The following CLASP1 variants were observed in gnomAD, a reference collection of about 807,000 sequenced individuals.
The protein encoded by CLASP1 is cytoplasmic linker associated protein 1.
A neutral mutation model predicts 192.3 loss-of-function variants in CLASP1; 38 were observed. That is an observed-to-expected ratio of 0.20 (90% CI 0.15 to 0.26). The LOEUF (loss-of-function observed/expected upper bound fraction) is 0.26. Among genes scored for constraint, CLASP1 ranks in the 10% least tolerant of loss-of-function variants. CLASP1 has a pLI of 1.00. For missense variants in CLASP1, 1,433 were observed against 1,932.5 expected, an observed-to-expected ratio of 0.74 and a Z score of 4.85; for synonymous variants, 691 against 712.8, an observed-to-expected ratio of 0.97 and a Z score of 0.49.
chr2:121,545,165 C>T (rs1264140756), intron 2 of CLASP1, among the ~76,000 whole-genome samples: 5 of 152,096 alleles, frequency 3.3e-5, no homozygotes, highest in Admixed American at 6.6e-5. Flanking sequence ...CCACCTGCCT[C>T]GGCCTCCCAA....
chr2:121,356,512 G>A (rs1445222936), intron 37 of CLASP1, among the ~76,000 whole-genome samples: 1 of 152,192 alleles, frequency 6.6e-6, no homozygotes, highest in Non-Finnish European at 1.5e-5. Context: ...TCTGGTTCTG[G>A]CATCAACTAG....
intron 12 of CLASP1, 66 bp from the exon 13 acceptor site, chr2:121,459,041 C>T: frequency 8.2e-7 from 1 of 1,222,694 alleles, no homozygotes; most frequent in Admixed American, 2.5e-5. Flanking sequence ...ATATAAACCA[C>T]TTAACATCTA....
At chr2:121,623,327 G>C (rs2067713994) in intron 1 of CLASP1, among the ~76,000 whole-genome samples, 1 of 152,124 alleles carries the variant, frequency 6.6e-6, no homozygotes, top group South Asian at 2.1e-4. Context: ...CTATTACATG[G>C]CATGTTACGT....
At chr2:121,571,581 G>A (rs1450763190) in intron 2 of CLASP1, among the ~76,000 whole-genome samples, 1 of 152,186 alleles carries the variant, frequency 6.6e-6, no homozygotes, top group Non-Finnish European at 1.5e-5. Flanking sequence ...GTCTGGCAAA[G>A]TGTGGTGTGG....
At chr2:121,519,746 CA>C (rs2094413901) in intron 6 of CLASP1, among the ~76,000 whole-genome samples, 1 of 152,176 alleles carries the variant, frequency 6.6e-6, no homozygotes, top group Non-Finnish European at 1.5e-5. Context: ...GTTACAGGGT[CA>C]GATAGCATTT....
rs76110715 is a variant in CLASP1, at chr2:121,613,290, C to T, written c.-285-7110G>A. On this transcript the variant is annotated intron_variant, in intron 1 of 39. Transcript: ENST00000263710. ...CAAGCATCTCAACCTTTTCCTGTCA[C>T]ATCATCTTGGTCCACAGGGCCAAAA... Among the ~76,000 whole-genome samples the T allele has an allele frequency of 2.6e-3, 401 of 152,330 alleles. 3 individuals carry two copies. Among genetic ancestry groups the T allele is most frequent in the East Asian group, 0.021 (110 of 5,192 alleles).
At chr2:121,449,080 C>G in exon 17 of CLASP1, 1 of 1,613,974 alleles carries the variant, frequency 6.2e-7, no homozygotes, top group African/African-American at 1.3e-5. Context: ...TACAAGTGCT[C>G]TGCTTCTCTG....
At chr2:121,499,060 T>G (rs1166172491) in intron 8 of CLASP1, among the ~76,000 whole-genome samples, 1 of 152,222 alleles carries the variant, frequency 6.6e-6, no homozygotes, top group Admixed American at 6.5e-5. Context: ...AACCCAGCAA[T>G]TCTACTGCAA....
intron 2 of CLASP1, among the ~76,000 whole-genome samples, chr2:121,531,172 A>G (rs926412427): frequency 1.3e-5 from 2 of 152,138 alleles, no homozygotes; most frequent in Non-Finnish European, 2.9e-5. Context: ...GGATTTCAAC[A>G]GAACTTCACC....
chr2:121,586,172 G>A (rs2061696476), intron 2 of CLASP1, among the ~76,000 whole-genome samples: 1 of 152,044 alleles, frequency 6.6e-6, no homozygotes, highest in South Asian at 2.1e-4. Context: ...CTGTCATCCA[G>A]GCTGGAATGC....
At chr2:121,611,299 T>G (rs1489700173) in intron 1 of CLASP1, among the ~76,000 whole-genome samples, 45 of 65,500 alleles carry the variant, frequency 6.9e-4, no homozygotes, top group Non-Finnish European at 8.8e-4. Context: ...GTTGGAGGAG[T>G]TACAGGAGAA....
intron 8 of CLASP1, among the ~76,000 whole-genome samples, chr2:121,483,470 G>GTA (rs1055355904): frequency 2.7e-5 from 4 of 150,568 alleles, no homozygotes; most frequent in African/African-American, 9.7e-5. Flanking sequence ...GTGTGTGTGT[G>GTA]TATATATGTA....
chr2:121,447,848 A>G (rs986210228), intron 18 of CLASP1, among the ~76,000 whole-genome samples: 3 of 152,204 alleles, frequency 2.0e-5, no homozygotes, highest in East Asian at 3.9e-4. Context: ...ATGAAATGAC[A>G]TAACTGTGCC....
chr2:121,418,205 T>G (rs2078930035), intron 23 of CLASP1, among the ~76,000 whole-genome samples: 1 of 152,266 alleles, frequency 6.6e-6, no homozygotes, highest in African/African-American at 2.4e-5. Context: ...CTTTTGTTCC[T>G]TCTTTGAATT....
intron 10 of CLASP1, among the ~76,000 whole-genome samples, chr2:121,462,006 C>T (rs1258243302): frequency 1.3e-5 from 2 of 152,066 alleles, no homozygotes; most frequent in East Asian, 3.9e-4. Flanking sequence ...TCAGTGTAGG[C>T]TGAGGAAAAG....
In CLASP1 at chr2:121,418,612, G is replaced by A. The variant is rs1216036048; in HGVS notation, c.2320+10C>T. On this transcript the variant is annotated intron_variant, in intron 23 of 39. Coordinates refer to ENST00000263710, the Ensembl canonical transcript of CLASP1. ...TCTTTGCTCCTCAGCCAGCACCTAC[G>A]TGTACTCACCAAGTGGAGGAAAGCC... is the stretch of plus-strand genomic sequence containing the variant. 8 of 1,600,184 alleles carry A rather than the reference G, an allele frequency of 5.0e-6. No homozygotes were observed. Among genetic ancestry groups the A allele is most frequent in the South Asian group, 3.3e-5 (3 of 90,822 alleles).
rs535430238 is a variant in CLASP1, at chr2:121,497,742, T to C, written c.712+5425A>G. Among the ~76,000 whole-genome samples, 4 of 152,258 alleles carry C rather than the reference T, an allele frequency of 2.6e-5. No homozygotes were observed. In the South Asian group the frequency reaches 8.3e-4, roughly 32 times the overall value. ...TTCTTTCTTTCTTTCTTTTTTTAGA[T>C]GGAGTCTTGCTCTGTCACCCAGGCT... is the stretch of plus-strand genomic sequence containing the variant. On this transcript the variant is annotated intron_variant, in intron 8 of 39. Transcript: ENST00000263710.
At chr2:121,604,152 C>G (rs1201682591) in intron 2 of CLASP1, among the ~76,000 whole-genome samples, 1 of 152,142 alleles carries the variant, frequency 6.6e-6, no homozygotes, top group African/African-American at 2.4e-5. Flanking sequence ...TTATATTCAT[C>G]AAAATATCAT....
chr2:121,478,665 C>CCACACACACAACACA (rs1336561602), intron 8 of CLASP1, among the ~76,000 whole-genome samples: 1 of 95,540 alleles, frequency 1.0e-5, no homozygotes, highest in South Asian at 3.5e-4. Flanking sequence ...CACACACCCC[C>CCACACACACAACACA]CACACACACC....
Sources: gnomAD v4.1 joint callset for allele counts (sites outside exome capture counted in the v4.1 genomes callset) on GRCh38, gnomAD v4.1.1 for gene constraint, MANE v1.5 for transcripts, NCBI Gene and HGNC (gene_info 2026-07-23, HGNC 2026-07-21) for gene names.